Variants in CDK17 observed in about 807,000 individuals in gnomAD.
CDK17 encodes cyclin-dependent kinase 17.
Under a neutral mutation model 77.6 loss-of-function variants are expected in CDK17, and 24 were observed. The observed-to-expected ratio is 0.31, with a 90% CI of 0.22 to 0.44. The LOEUF (loss-of-function observed/expected upper bound fraction) is 0.44. Among genes scored for constraint, CDK17 ranks in the 20% least tolerant of loss-of-function variants. CDK17 has a pLI of 1.00. For missense variants in CDK17, 429 were observed against 622.5 expected (o/e 0.69, Z 3.31); for synonymous variants, 203 against 210.4 (o/e 0.96, Z 0.30).
intron 1 of CDK17, among the ~76,000 whole-genome samples, chr12:96,383,057 T>G (rs1226277623): frequency 6.6e-6 from 1 of 152,158 alleles, no homozygotes; most frequent in Non-Finnish European, 1.5e-5. Flanking sequence ...GTAAACGACT[T>G]CAGTAAAGGT....
chr12:96,367,023 T>C (rs1335208704), intron 1 of CDK17, among the ~76,000 whole-genome samples: 1 of 152,132 alleles, frequency 6.6e-6, no homozygotes, highest in African/African-American at 2.4e-5. Flanking sequence ...CGGAGACTTC[T>C]AGCAAAGTAG....
chr12:96,335,860 T>G lies in CDK17; in HGVS notation c.-29-995A>C, dbSNP rs1465259315. On this transcript the variant is annotated intron_variant, in intron 1 of 16. Transcript: ENST00000261211. The stretch of plus-strand genomic sequence containing the variant: ...CTAACTTGGTATTTCTATGATGAGC[T>G]GGCTTACCAGATTGCCATGCACACT... Among the ~76,000 whole-genome samples the G allele has an allele frequency of 4.6e-5, 7 of 152,202 alleles. No individual in the cohort carries two copies. The South Asian group carries it at 6.2e-4, about 14-fold the overall frequency.
chr12:96,391,922 T>A (rs907120291), intron 1 of CDK17, among the ~76,000 whole-genome samples: 1 of 152,222 alleles, frequency 6.6e-6, no homozygotes, highest in African/African-American at 2.4e-5. Context: ...TTATCTACTA[T>A]ATCAAAATGT....
chr12:96,367,116 G>A (rs1380483624), intron 1 of CDK17, among the ~76,000 whole-genome samples: 7 of 151,696 alleles, frequency 4.6e-5, no homozygotes, highest in East Asian at 1.9e-4. Context: ...AGGCCGAGGC[G>A]GGCGGATCAT....
chr12:96,348,068 T>C (rs1321079264), intron 1 of CDK17, among the ~76,000 whole-genome samples: 3 of 152,170 alleles, frequency 2.0e-5, no homozygotes, highest in Admixed American at 1.3e-4. Context: ...AGGATGTTTA[T>C]AGCTATAAAA....
rs146402204 is a variant in CDK17, at chr12:96,389,606, T to A, written c.-30+10380A>T. Among the ~76,000 whole-genome samples, 31 of 152,242 alleles carry A rather than the reference T, an allele frequency of 2.0e-4. No homozygotes were observed. The East Asian group carries it at 5.8e-3, about 28-fold the overall frequency. On this transcript the variant is annotated intron_variant, in intron 1 of 16. Transcript: ENST00000261211. ...CTGTTTCTGAAATGATAAATGTTGG[T>A]TAATAAACCATGATCTCAAAAGCTC...
chr12:96,281,303 A>C (rs540773537), intron 15 of CDK17, among the ~76,000 whole-genome samples: 1 of 152,370 alleles, frequency 6.6e-6, no homozygotes, highest in African/African-American at 2.4e-5. Context: ...GCGAAAAACA[A>C]GGAAAAGGTT....
rs1487783438 is a variant in CDK17, at chr12:96,320,512, C to T, written c.283+3436G>A. 2.1e-3 allele frequency among the ~76,000 whole-genome samples: 309 copies of T among 147,436 alleles called. 1 individual carries two copies. The highest frequency in any genetic ancestry group is 7.0e-3 in the African/African-American group (280 of 40,194). On this transcript the variant is annotated intron_variant, in intron 3 of 16. Coordinates refer to ENST00000261211, the MANE Select transcript of CDK17 (RefSeq NM_002595.5). ...CCCGCATCGCCAAGTCAATCCTAAG[C>T]CAAAAGAACAAAGCTGGAGGCATCA... is the stretch of plus-strand genomic sequence containing the variant.
chr12:96,363,170 G>A (rs555468024), intron 1 of CDK17, among the ~76,000 whole-genome samples: 156 of 152,228 alleles, frequency 1.0e-3, no homozygotes, highest in African/African-American at 3.3e-3. Flanking sequence ...GAACCCCCTG[G>A]CCAGGCATGC....
At position 96,368,817 on chromosome 12, in the gene CDK17, G is replaced by T. The variant is rs931540270; in HGVS notation, c.-30+31169C>A. Among the ~76,000 whole-genome samples the T allele has an allele frequency of 8.2e-4, 79 of 96,602 alleles. 23 individuals are homozygous for T. Among genetic ancestry groups the T allele is most frequent in the Non-Finnish European group, 6.5e-4 (30 of 46,100 alleles). 63.4% of individuals were successfully genotyped at this position (96,602 alleles called of 152,430 possible). On this transcript the variant is annotated intron_variant, in intron 1 of 16. Coordinates refer to ENST00000261211, the MANE Select transcript of CDK17 (RefSeq NM_002595.5). ...AAGCTACTCTAAGACGGGGGGGGGG[G>T]GGGGGGGCACAATGAATAAGGCTGG...
Position 96,348,312 on chromosome 12 carries a change from G to T in CDK17, c.-29-13447C>A, listed in dbSNP as rs376148228. 2.8e-4 allele frequency among the ~76,000 whole-genome samples: 42 copies of T among 152,046 alleles called. No individual in the cohort carries two copies. The South Asian group carries it at 8.3e-3, about 30-fold the overall frequency. On this transcript the variant is annotated intron_variant, in intron 1 of 16. Transcript: ENST00000261211. ...GGCTGACGTGGGTGGACCACCTGAG[G>T]TCAGGAGTTTGAGACCAGCCTAGCC...
At chr12:96,297,832 C>G (rs903655141) in intron 7 of CDK17, 111 bp from the exon 8 acceptor site, 2 of 590,648 alleles carry the variant, frequency 3.4e-6, no homozygotes. Flanking sequence ...AGGTCTTGGG[C>G]GGTGGCTCAC....
At chr12:96,297,448 C>T in intron 8 of CDK17, 116 bp from the exon 9 acceptor site, 1 of 749,060 alleles carries the variant, frequency 1.3e-6, no homozygotes, top group Non-Finnish European at 2.2e-6. Flanking sequence ...CTGGATGCAC[C>T]ATACACATAA....
At chr12:96,324,844 C>T (rs1031109394) in intron 2 of CDK17, among the ~76,000 whole-genome samples, 6 of 151,970 alleles carry the variant, frequency 3.9e-5, no homozygotes, top group Admixed American at 1.3e-4. Context: ...ATTTACATCC[C>T]TGTTTGCTGG....
intron 9 of CDK17, 87 bp downstream of exon 9, chr12:96,297,183 G>A (rs890076246): frequency 2.7e-6 from 2 of 744,466 alleles, no homozygotes; most frequent in Non-Finnish European, 4.3e-6. Context: ...CCCTGAAGAA[G>A]AGTTATGAGG....
Position 96,360,188 on chromosome 12 carries a change from T to A in CDK17, c.-29-25323A>T, listed in dbSNP as rs116313114. The stretch of plus-strand genomic sequence containing the variant: ...CTAGAAGTCTTGGAAACTCTCAGCA[T>A]GACCCTGTATCCAGCATACGTTTAG... On this transcript the variant is annotated intron_variant, in intron 1 of 16. Coordinates refer to ENST00000261211, the MANE Select transcript of CDK17 (RefSeq NM_002595.5). Among the ~76,000 whole-genome samples, 533 of 152,314 alleles carry A rather than the reference T, an allele frequency of 3.5e-3. 2 individuals are homozygous for A. Among genetic ancestry groups the A allele is most frequent in the African/African-American group, 0.011 (458 of 41,566 alleles).
chr12:96,337,755 C>A (rs1953064801), intron 1 of CDK17, among the ~76,000 whole-genome samples: 2 of 152,182 alleles, frequency 1.3e-5, no homozygotes, highest in Non-Finnish European at 2.9e-5. Context: ...CTCTCATCTA[C>A]CCTTTGTTTC....
At chr12:96,303,038 T>C (rs1952528676) in intron 5 of CDK17, 2 of 152,190 alleles carry the variant, frequency 1.3e-5, no homozygotes, top group South Asian at 4.1e-4. Flanking sequence ...AAACAGTACT[T>C]ACTGAATCTT....
chr12:96,379,706 C>T (rs1187710598), intron 1 of CDK17, among the ~76,000 whole-genome samples: 1 of 152,098 alleles, frequency 6.6e-6, no homozygotes, highest in African/African-American at 2.4e-5. Context: ...GCAGGAATTA[C>T]AGCCATCAGC....
Sources: gnomAD v4.1 joint callset for allele counts (sites outside exome capture counted in the v4.1 genomes callset) on GRCh38, gnomAD v4.1.1 for gene constraint, MANE v1.5 for transcripts, NCBI Gene and HGNC (gene_info 2026-07-23, HGNC 2026-07-21) for gene names.